ARHGAP6: variants seen among roughly 807,000 people sequenced by gnomAD.
The protein encoded by ARHGAP6 is rho GTPase-activating protein 6.
Under a neutral mutation model 55.7 loss-of-function variants are expected in ARHGAP6, and 16 were observed. The observed-to-expected ratio is 0.29, with a 90% CI of 0.19 to 0.44. ARHGAP6 has a LOEUF of 0.44. ARHGAP6 is among the 20% of genes least tolerant of loss of function. The pLI, the probability that ARHGAP6 is intolerant of heterozygous loss-of-function variation, is 1.00. For missense variants in ARHGAP6, 698 were observed against 808.9 expected (o/e 0.86, Z 1.66); for synonymous variants, 382 against 360.9 (o/e 1.06, Z -0.66).
intron 1 of ARHGAP6, among the ~76,000 whole-genome samples, chrX:11,437,997 T>A (rs983989732): frequency 8.9e-6 from 1 of 112,482 alleles, no homozygotes; most frequent in Non-Finnish European, 1.9e-5. Flanking sequence ...CGTCCAGAGG[T>A]CTTGAACAGG....
At chrX:11,312,954 C>A (rs372996191) in intron 1 of ARHGAP6, among the ~76,000 whole-genome samples, 1 of 112,093 alleles carries the variant, frequency 8.9e-6, no homozygotes, top group Non-Finnish European at 1.9e-5. Flanking sequence ...GCCATCTGCT[C>A]TTGTCCTTAC....
chrX:11,611,455 G>C (rs1047854117), intron 1 of ARHGAP6, among the ~76,000 whole-genome samples: 1 of 111,729 alleles, frequency 9.0e-6, no homozygotes, highest in African/African-American at 3.3e-5. Flanking sequence ...CTTTCCCCTT[G>C]ACTTAGTGCA....
intron 2 of ARHGAP6, among the ~76,000 whole-genome samples, chrX:11,214,889 G>A (rs968944335): frequency 3.5e-5 from 4 of 113,406 alleles, no homozygotes; most frequent in African/African-American, 1.3e-4. Flanking sequence ...ATGGTGGGGA[G>A]GCGGGGAAAG....
At chrX:11,148,518 G>T (rs1224008766) in intron 10 of ARHGAP6, 2 of 234,907 alleles carry the variant, frequency 8.5e-6, no homozygotes, top group South Asian at 4.9e-5. Context: ...TGCATGGAGG[G>T]TTTCCCCGTT....
chrX:11,575,672 G>A (rs1424927996), intron 1 of ARHGAP6, among the ~76,000 whole-genome samples: 1 of 112,155 alleles, frequency 8.9e-6, no homozygotes, highest in Non-Finnish European at 1.9e-5. Context: ...GTCTGACAAG[G>A]GATTAAAAGG....
intron 1 of ARHGAP6, among the ~76,000 whole-genome samples, chrX:11,305,271 CTAA>C (rs1464155411): frequency 9.0e-6 from 1 of 111,647 alleles, no homozygotes; most frequent in Non-Finnish European, 1.9e-5. Flanking sequence ...ATTAAGTCAG[CTAA>C]TGTCTCTAAA....
intron 5 of ARHGAP6, among the ~76,000 whole-genome samples, chrX:11,182,635 C>CTTTTTTTTTTTTTTTTTTTTTTTTT (rs1043810466): frequency 2.4e-5 from 2 of 83,131 alleles, no homozygotes; most frequent in Admixed American, 1.3e-4. Flanking sequence ...TTCCTTTTTT[C>CTTTTTTTTTTTTTTTTTTTTTTTTT]TTTTTTTTTT....
chrX:11,435,954 A>G (rs1221565991), intron 1 of ARHGAP6, among the ~76,000 whole-genome samples: 1 of 112,075 alleles, frequency 8.9e-6, no homozygotes, highest in Admixed American at 9.5e-5. Flanking sequence ...AAAGAATGCT[A>G]CACGTGATTT....
chrX:11,384,182 C>T (rs149686851), intron 1 of ARHGAP6, among the ~76,000 whole-genome samples: 57 of 111,931 alleles, frequency 5.1e-4, no homozygotes, highest in African/African-American at 1.6e-3. Context: ...TAAAACAACA[C>T]GATGTGCCCC....
intron 1 of ARHGAP6, among the ~76,000 whole-genome samples, chrX:11,468,149 T>C (rs1420131932): frequency 9.0e-6 from 1 of 111,584 alleles, no homozygotes; most frequent in African/African-American, 3.2e-5. Context: ...TCCAATGATG[T>C]TCTATTTCTT....
At chrX:11,606,659 T>C (rs2052039169) in intron 1 of ARHGAP6, among the ~76,000 whole-genome samples, 1 of 111,828 alleles carries the variant, frequency 8.9e-6, no homozygotes, top group African/African-American at 3.3e-5. Flanking sequence ...GAGCATCTTA[T>C]TAGTGTGAGG....
chrX:11,445,517 C>T (rs745512397), intron 1 of ARHGAP6, among the ~76,000 whole-genome samples: 4 of 112,119 alleles, frequency 3.6e-5, no homozygotes, highest in African/African-American at 1.3e-4. Flanking sequence ...CCCTCCAAGA[C>T]TCAATGCAAA....
chrX:11,385,193 A>C (rs148347516), intron 1 of ARHGAP6, among the ~76,000 whole-genome samples: 302 of 111,202 alleles, frequency 2.7e-3, no homozygotes, highest in African/African-American at 9.5e-3. Context: ...CCAATTTATA[A>C]ATTTGAAGTC....
chrX:11,463,596 C>A (rs965213734), intron 1 of ARHGAP6, among the ~76,000 whole-genome samples: 1 of 111,941 alleles, frequency 8.9e-6, no homozygotes, highest in Non-Finnish European at 1.9e-5. Context: ...TTGCCTTGGC[C>A]TCTCAAAGTG....
intron 1 of ARHGAP6, among the ~76,000 whole-genome samples, chrX:11,420,935 C>T (rs1015163755): frequency 1.9e-4 from 21 of 112,096 alleles, no homozygotes; most frequent in African/African-American, 5.2e-4. Context: ...GGCTGTTAGA[C>T]GGTCATAAAG....
chrX:11,276,942 T>A (rs1442254034), intron 1 of ARHGAP6, among the ~76,000 whole-genome samples: 3 of 111,620 alleles, frequency 2.7e-5, no homozygotes, highest in African/African-American at 9.8e-5. Context: ...TGTTTCTTTT[T>A]AGTATACTCA....
intron 1 of ARHGAP6, among the ~76,000 whole-genome samples, chrX:11,502,335 A>G (rs1004440525): frequency 6.2e-5 from 7 of 112,489 alleles, no homozygotes; most frequent in Non-Finnish European, 1.3e-4. Context: ...ACAGGGGCAG[A>G]TAATGCCTGG....
chrX:11,286,049 C>A (rs1360593932), intron 1 of ARHGAP6, among the ~76,000 whole-genome samples: 1 of 111,942 alleles, frequency 8.9e-6, no homozygotes, highest in Non-Finnish European at 1.9e-5. Context: ...ACCATTAATT[C>A]TTACTGTTGT....
chrX:11,326,407 C>A (rs138585160), intron 1 of ARHGAP6, among the ~76,000 whole-genome samples: 1 of 111,132 alleles, frequency 9.0e-6, no homozygotes, highest in Non-Finnish European at 1.9e-5. Flanking sequence ...GGATTACAGG[C>A]GTGAGCCATC....
Sources: gnomAD v4.1 joint callset for allele counts (sites outside exome capture counted in the v4.1 genomes callset) on GRCh38, gnomAD v4.1.1 for gene constraint, MANE v1.5 for transcripts, NCBI Gene and HGNC (gene_info 2026-07-23, HGNC 2026-07-21) for gene names.